PRRC2B: variants seen among roughly 807,000 people sequenced by gnomAD.
PRRC2B encodes the protein proline rich coiled-coil 2B, also known as protein PRRC2B.
In PRRC2B, 68 loss-of-function variants were observed where a neutral mutation model predicts 242.3. That is an observed-to-expected ratio of 0.28 (90% confidence interval 0.23 to 0.34). The LOEUF (loss-of-function observed/expected upper bound fraction) is 0.34. Among genes scored for constraint, PRRC2B ranks in the 10% least tolerant of loss-of-function variants. PRRC2B has a pLI of 1.00. For missense variants in PRRC2B, 2,835 were observed against 2,954.8 expected (o/e 0.96, Z 0.94); for synonymous variants, 1,228 against 1,173.6 (o/e 1.05, Z -0.95).
At chr9:131,410,179 C>T (rs913094311) in intron 1 of PRRC2B, among the ~76,000 whole-genome samples, 5 of 152,198 alleles carry the variant, frequency 3.3e-5, no homozygotes, top group Admixed American at 2.6e-4. Flanking sequence ...ACTTGGAGAC[C>T]GCATATGGGC....
intron 3 of PRRC2B, among the ~76,000 whole-genome samples, chr9:131,436,127 C>T (rs982206718): frequency 1.6e-4 from 24 of 152,174 alleles, no homozygotes; most frequent in Non-Finnish European, 3.2e-4. Context: ...ATTGGCAAAT[C>T]CTTCATTTGC....
At chr9:131,464,072 G>T (rs1351979125) in intron 11 of PRRC2B, among the ~76,000 whole-genome samples, 3 of 151,824 alleles carry the variant, frequency 2.0e-5, no homozygotes, top group African/African-American at 7.3e-5. Context: ...TTCCCAAGTA[G>T]CTGGGACTAC....
At chr9:131,420,471 T>TCTTTCTC (rs1288013182) in intron 1 of PRRC2B, among the ~76,000 whole-genome samples, 6 of 19,716 alleles carry the variant, frequency 3.0e-4, no homozygotes, top group Non-Finnish European at 5.3e-4. Flanking sequence ...CTTTCTTTCT[T>TCTTTCTC]TCTTTCTTTC....
At chr9:131,491,394 C>T (rs2131483615) in intron 28 of PRRC2B, 31 bp from the exon 29 acceptor site, 1 of 1,553,274 alleles carries the variant, frequency 6.4e-7, no homozygotes, top group South Asian at 1.2e-5. Flanking sequence ...TAGCATCATT[C>T]CCCCTCCTGA....
intron 5 of PRRC2B, among the ~76,000 whole-genome samples, chr9:131,442,022 A>G (rs1379101539): frequency 6.6e-6 from 1 of 152,038 alleles, no homozygotes; most frequent in Non-Finnish European, 1.5e-5. Flanking sequence ...AGATTAATTC[A>G]TGCTTACAAT....
At position 131,403,621 on chromosome 9, in the gene PRRC2B, C is replaced by G. The variant is rs558797822; in HGVS notation, c.-52+9358C>G. 1.4e-4 allele frequency among the ~76,000 whole-genome samples: 20 copies of G among 146,214 alleles called. No individual in the cohort carries two copies. The South Asian group carries it at 4.2e-3, about 31-fold the overall frequency. On this transcript the variant is annotated intron_variant, in intron 1 of 31. Transcript: ENST00000683519. ...CTGTCCACCTCAGCCTCCCAAAATG[C>G]TAGAATTACAGGCGTGAGCCACTGC...
chr9:131,398,245 C>T (rs77438028), intron 1 of PRRC2B, among the ~76,000 whole-genome samples: 6 of 152,296 alleles, frequency 3.9e-5, no homozygotes, highest in African/African-American at 1.4e-4. Flanking sequence ...TGGGAAATCT[C>T]TTTTGTGCTG....
chr9:131,377,958 G>A (rs1351613903), intron 1 of PRRC2B, among the ~76,000 whole-genome samples: 9 of 152,198 alleles, frequency 5.9e-5, no homozygotes, highest in Non-Finnish European at 1.3e-4. Flanking sequence ...ATTTCCCTCT[G>A]TTGCCCAGGC....
At chr9:131,413,876 T>G (rs1837570614) in intron 1 of PRRC2B, among the ~76,000 whole-genome samples, 1 of 152,048 alleles carries the variant, frequency 6.6e-6, no homozygotes, top group Non-Finnish European at 1.5e-5. Context: ...TTCACCATGT[T>G]GGGCAGGATG....
chr9:131,487,354 T>C lies in PRRC2B; in HGVS notation c.5984+60T>C. On this transcript the variant is annotated intron_variant, in intron 27 of 31. Coordinates refer to ENST00000683519, the MANE Select transcript of PRRC2B (RefSeq NM_013318.4). This position sits in a 1 kb window ranked among gnomAD's most constrained non-coding sequence, Gnocchi z 5.3. ...TCACAGCCAGGGCCTTGGCCCTGTG[T>C]GCAGCCTTCGTCCTGCAGCTGTTTG... 3 of 1,436,204 alleles carry C rather than the reference T, an allele frequency of 2.1e-6. No homozygotes were observed. The highest frequency in any genetic ancestry group is 2.7e-5 in the South Asian group (2 of 74,094). The allele number at this position is 1,436,204 out of a possible 1,614,324, so 89.0% of individuals were successfully genotyped here.
intron 1 of PRRC2B, among the ~76,000 whole-genome samples, chr9:131,399,177 T>C (rs1237928665): frequency 6.9e-6 from 1 of 143,944 alleles, no homozygotes; most frequent in Non-Finnish European, 1.5e-5. Context: ...TCAGGAGGGG[T>C]GAGGCTGGAG....
rs769651047 is a variant in PRRC2B, at chr9:131,487,235, G to C, written c.5925G>C (p.Leu1975=). The C allele has an allele frequency of 3.7e-6, 6 of 1,613,662 alleles. No individual in the cohort carries two copies. The Admixed American group carries it at 1.0e-4, about 27-fold the overall frequency. ...TSLQAQAQLG[L]RGGLPVSQSQ... ...TGCAGGCACAAGCTCAGCTTGGACT[G>C]AGGGGTGGGCTTCCTGTGTCCCAGT... is the stretch of plus-strand genomic sequence containing the variant. Residue 1975 remains leucine, a synonymous_variant, in exon 27 of 32, where the codon CTG becomes CTC. Transcript: ENST00000683519. The surrounding 1 kb of genome is among the most constrained non-coding windows in gnomAD (Gnocchi z 5.3).
intron 10 of PRRC2B, among the ~76,000 whole-genome samples, chr9:131,458,503 A>ATTTTT (rs61143148): frequency 6.8e-6 from 1 of 147,484 alleles, no homozygotes. Flanking sequence ...ATGTGTTTTT[A>ATTTTT]TTTTTTTTTT....
chr9:131,414,551 A>G (rs376694222), intron 1 of PRRC2B, among the ~76,000 whole-genome samples: 8 of 149,326 alleles, frequency 5.4e-5, no homozygotes, highest in African/African-American at 2.0e-4. Flanking sequence ...CCTCTGGCCC[A>G]TGGTGCGGCT....
intron 1 of PRRC2B, among the ~76,000 whole-genome samples, chr9:131,379,912 C>T (rs139298230): frequency 6.5e-4 from 98 of 151,590 alleles, no homozygotes; most frequent in African/African-American, 2.2e-3. Context: ...GCGTCAGCTA[C>T]CGCACCCAGC....
chr9:131,470,754 C>A (rs749371363), intron 13 of PRRC2B, 34 bp from the exon 14 acceptor site: 2 of 1,589,962 alleles, frequency 1.3e-6, no homozygotes, highest in African/African-American at 2.7e-5. Context: ...CTGGCCGCAC[C>A]AGCCTGACCA....
chr9:131,432,447 T>C (rs1440174753), intron 2 of PRRC2B, among the ~76,000 whole-genome samples, 170 bp from the exon 3 acceptor site: 1 of 152,236 alleles, frequency 6.6e-6, no homozygotes, highest in East Asian at 1.9e-4. Context: ...GTAAAGTGAC[T>C]AAAGTGACAC....
Position 131,482,580 on chromosome 9 carries a change from G to C in PRRC2B, c.5175+18G>C, listed in dbSNP as rs941920311. 1.3e-6 allele frequency: 2 copies of C among 1,574,880 alleles called. No homozygotes were observed. Among genetic ancestry groups the C allele is most frequent in the African/African-American group, 2.7e-5 (2 of 73,504 alleles). On this transcript the variant is annotated intron_variant, in intron 21 of 31. Transcript: ENST00000683519. The surrounding 1 kb of genome is among the most constrained non-coding windows in gnomAD (Gnocchi z 5.2). ...AGCAGAAGGTAACCTGGACGTTCCAGTCACAGTGGCCAGGGCCTGGGTGGA... is the reference window on the plus strand; with the variant it reads ...AGCAGAAGGTAACCTGGACGTTCCACTCACAGTGGCCAGGGCCTGGGTGGA...
At chr9:131,490,668 A>AG (rs1166820613) in intron 28 of PRRC2B, 1 of 505,494 alleles carries the variant, frequency 2.0e-6, no homozygotes, top group African/African-American at 1.9e-5. Context: ...CTAGTTAGTT[A>AG]GGCCCTGCAG....
Sources: allele counts gnomAD v4.1 joint callset (sites outside exome capture counted in the v4.1 genomes callset), GRCh38; gene constraint gnomAD v4.1.1; non-coding constraint Gnocchi (gnomAD v3.1); transcripts MANE v1.5; gene names NCBI Gene and HGNC (gene_info 2026-07-23, HGNC 2026-07-21).